Variants in CPLANE1 observed in about 807,000 individuals in gnomAD.
CPLANE1 encodes the protein ciliogenesis and planar polarity effector 1.
Under a neutral mutation model 362.5 loss-of-function variants are expected in CPLANE1, and 263 were observed. The ratio of observed to expected loss-of-function variants is 0.73; its 90% CI spans 0.66 to 0.80. CPLANE1 has a LOEUF of 0.80. Ranked by LOEUF, CPLANE1 falls within the 30% of genes least tolerant of loss-of-function variation. The pLI, the probability that CPLANE1 is intolerant of heterozygous loss-of-function variation, is 0.00. For synonymous variants in CPLANE1, 1,212 were observed against 1,302.6 expected, an observed-to-expected ratio of 0.93 and a Z score of 1.50; for missense variants, 3,461 against 3,793.4, an observed-to-expected ratio of 0.91 and a Z score of 2.30.
At position 37,209,489 on chromosome 5, in the gene CPLANE1, C is replaced by A; in HGVS notation, c.2921-3064G>T. The A allele has an allele frequency of 7.8e-7, 1 of 1,284,224 alleles. No individual in the cohort carries two copies. The highest frequency in any genetic ancestry group is 1.1e-6 in the Non-Finnish European group (1 of 881,004). The allele number at this position is 1,284,224 out of a possible 1,614,324, so 79.6% of individuals were successfully genotyped here. ...AAACACTCAAGATACAACTTCGAAA[C>A]CAGCTAATTCATGAGTTAATGCACC... On this transcript the variant is annotated intron_variant, in intron 16 of 52. Transcript: ENST00000651892. This position sits in a 1 kb window ranked among gnomAD's most constrained non-coding sequence, Gnocchi z 4.6.
chr5:37,148,412 G>C lies in CPLANE1; in HGVS notation c.8374-144C>G, dbSNP rs1772401100. 3 of 495,668 alleles carry C rather than the reference G, an allele frequency of 6.1e-6. No individual in the cohort carries two copies. The South Asian group carries it at 1.5e-4, about 25-fold the overall frequency. 30.7% of individuals were successfully genotyped at this position (495,668 alleles called of 1,614,324 possible). A position where few individuals can be genotyped will look rare whatever the true frequency, so the allele number is the denominator to read the frequency against. ...AAATCCAATATAAGCTAAATGGTAG[G>C]GATCAATAAAACAGAGGAAATTTTT... On this transcript the variant is annotated intron_variant, in intron 42 of 52. Coordinates refer to ENST00000651892, the MANE Select transcript of CPLANE1 (RefSeq NM_001384732.1).
chr5:37,201,596 TAAG>T lies in CPLANE1; in HGVS notation c.3499_3501del (p.Leu1167del). 1 of 1,612,402 alleles carries T rather than the reference TAAG, an allele frequency of 6.2e-7. No individual in the cohort carries two copies. Among genetic ancestry groups the T allele is most frequent in the Non-Finnish European group, 8.5e-7 (1 of 1,178,788 alleles). ...AGTTAATGCTATAAGCTTACTTCAC[TAAG>T]AATAGCTGGCTGGGGACAGTACAAT... On this transcript the variant is annotated inframe_deletion, in exon 19 of 53. Transcript: ENST00000651892.
rs1224415033 is a variant in CPLANE1 at position 37,154,031 on chromosome 5, A to T, written c.8120-38T>A. 31 of 1,533,978 alleles carry T rather than the reference A, an allele frequency of 2.0e-5. No individual in the cohort carries two copies. In the Admixed American group the frequency reaches 6.1e-4, roughly 30 times the overall value. On this transcript the variant is annotated intron_variant, in intron 41 of 52. Coordinates refer to ENST00000651892, the MANE Select transcript of CPLANE1 (RefSeq NM_001384732.1). ...AAGAATAAAAGCAGAATTGATTATA[A>T]TTAAAGAAGAGGTATTATTGATGAT...
intron 46 of CPLANE1, among the ~76,000 whole-genome samples, chr5:37,133,235 G>T (rs1438675186): frequency 6.6e-6 from 1 of 152,056 alleles, no homozygotes; most frequent in African/African-American, 2.4e-5. Flanking sequence ...TTTTACTCAG[G>T]ATTGCTTTGG....
intron 35 of CPLANE1, among the ~76,000 whole-genome samples, chr5:37,166,622 T>C (rs542728336): frequency 6.6e-6 from 1 of 152,334 alleles, no homozygotes; most frequent in African/African-American, 2.4e-5. Context: ...ATCATTGGCA[T>C]GCATATATAG....
chr5:37,225,315 C>T (rs750245669), intron 12 of CPLANE1, among the ~76,000 whole-genome samples: 6 of 151,594 alleles, frequency 4.0e-5, no homozygotes, highest in South Asian at 2.1e-4. Flanking sequence ...AATGCAGTGG[C>T]GTGATATCTG....
intron 20 of CPLANE1, 142 bp downstream of exon 20, chr5:37,198,560 C>A: frequency 1.3e-6 from 1 of 769,460 alleles, no homozygotes; most frequent in East Asian, 2.8e-5. Context: ...AGAATCTGGT[C>A]TGTTTGTTTA....
At chr5:37,247,048 G>A (rs1739915740) in intron 2 of CPLANE1, among the ~76,000 whole-genome samples, 1 of 152,170 alleles carries the variant, frequency 6.6e-6, no homozygotes, top group Admixed American at 6.5e-5. Context: ...CCTGTTACAG[G>A]GGAGTTAGTG....
rs773007704 is a variant in CPLANE1 at position 37,108,484 on chromosome 5, A to G, written c.9401-13T>C. On this transcript the variant is annotated splice_polypyrimidine_tract_variant and intron_variant, in intron 51 of 52. Transcript: ENST00000651892. ...GGAGCATTAGAGCCTTTTAAGGGAT[A>G]AGAACAAAGCACACATTGGGATTGA... 12 of 1,605,824 alleles carry G rather than the reference A, an allele frequency of 7.5e-6. No individual in the cohort carries two copies. In the East Asian group the frequency reaches 2.7e-4, roughly 36 times the overall value.
At chr5:37,132,712 T>C (rs1766328971) in intron 46 of CPLANE1, among the ~76,000 whole-genome samples, 1 of 152,166 alleles carries the variant, frequency 6.6e-6, no homozygotes, top group Non-Finnish European at 1.5e-5. Flanking sequence ...GTTGTGAATA[T>C]TTTCTCCCAT....
intron 15 of CPLANE1, among the ~76,000 whole-genome samples, chr5:37,218,582 T>A (rs1794677036): frequency 6.6e-6 from 1 of 152,162 alleles, no homozygotes; most frequent in African/African-American, 2.4e-5. Context: ...CCATCAAATC[T>A]AGGGGGTAAT....
intron 29 of CPLANE1, among the ~76,000 whole-genome samples, chr5:37,178,599 C>A (rs1168959732): frequency 3.4e-5 from 5 of 147,538 alleles, no homozygotes; most frequent in Non-Finnish European, 4.5e-5. Flanking sequence ...GGCAAAAGAG[C>A]AAGACCCTCA....
chr5:37,224,542 T>A lies in CPLANE1; in HGVS notation c.2490A>T (p.Lys830Asn), dbSNP rs1796036420. The change falls in exon 13 of 53, where the codon AAA becomes AAT. Residue 830 changes from lysine (K) to asparagine (N), a missense_variant. Lys to Asn is a moderately conservative substitution (Grantham distance 94). Transcript: ENST00000651892. ...TCATAAGATACTGACCATTGATAGA[T>A]TTAAGTTCTAAGGTTTGATTCAAGC... ...GDCLNQTLEL[K>N]SINGEECFLL... 2 of 1,547,740 alleles carry A rather than the reference T, an allele frequency of 1.3e-6. No individual in the cohort carries two copies. Among genetic ancestry groups the A allele is most frequent in the South Asian group, 2.4e-5 (2 of 83,918 alleles).
the CPLANE1 span, among the ~76,000 whole-genome samples, chr5:37,095,896 A>G: frequency 3.3e-5 from 5 of 152,322 alleles, no homozygotes; most frequent in African/African-American, 9.6e-5. Flanking sequence ...CTACAAGGGA[A>G]ACTACAAAAC....
In CPLANE1 at chr5:37,135,505, G is replaced by T. The variant is rs113810863; in HGVS notation, c.8792+3215C>A. On this transcript the variant is annotated intron_variant, in intron 46 of 52. Coordinates refer to ENST00000651892, the MANE Select transcript of CPLANE1 (RefSeq NM_001384732.1). ...CTCCACATGGTGGCAGGAAGGAGAA[G>T]AATGAGTGCCCAGCAAAAGGGGAAG... Among the ~76,000 whole-genome samples the T allele has an allele frequency of 1.7e-3, 263 of 152,226 alleles. 1 individual carries two copies. Among genetic ancestry groups the T allele is most frequent in the Non-Finnish European group, 2.5e-3 (170 of 67,998 alleles).
Position 37,229,031 on chromosome 5 carries a change from C to G in CPLANE1, c.1122-1214G>C, listed in dbSNP as rs184874291. ...GGTTAGGAGTTTGAGACCAGCCCGA[C>G]CAATACGGTGAAACCCCATCTCTAG... On this transcript the variant is annotated intron_variant, in intron 9 of 52. Transcript: ENST00000651892. Among the ~76,000 whole-genome samples, 235 of 151,488 alleles carry G rather than the reference C, an allele frequency of 1.6e-3. 1 individual carries two copies. Among genetic ancestry groups the G allele is most frequent in the Non-Finnish European group, 2.6e-3 (178 of 67,850 alleles).
At chr5:37,109,100 A>G (rs1277143313) in intron 51 of CPLANE1, among the ~76,000 whole-genome samples, 1 of 152,212 alleles carries the variant, frequency 6.6e-6, no homozygotes, top group Non-Finnish European at 1.5e-5. Flanking sequence ...CCAATATCAC[A>G]GCATGTTCTA....
intron 21 of CPLANE1, among the ~76,000 whole-genome samples, chr5:37,193,414 G>A (rs186484634): frequency 5.3e-5 from 8 of 152,222 alleles, no homozygotes; most frequent in South Asian, 2.1e-4. Context: ...CAGCACTTTC[G>A]GAGGCTGAGG....
chr5:37,213,823 G>T (rs1020909772), intron 15 of CPLANE1, 91 bp from the exon 16 acceptor site: 2 of 1,052,488 alleles, frequency 1.9e-6, no homozygotes, highest in African/African-American at 1.6e-5. Flanking sequence ...AAAGAAAATT[G>T]CAATACCTTT....
Sources: gnomAD v4.1 joint callset for allele counts (sites outside exome capture counted in the v4.1 genomes callset) on GRCh38, gnomAD v4.1.1 for gene constraint, Gnocchi (gnomAD v3.1) non-coding constraint, MANE v1.5 for transcripts, NCBI Gene and HGNC (gene_info 2026-07-23, HGNC 2026-07-21) for gene names.